The following TNFRSF21 variants were observed in gnomAD, a reference collection of about 807,000 sequenced individuals.
TNFRSF21 encodes the protein TNF receptor superfamily member 21.
Under a neutral mutation model 45.6 loss-of-function variants are expected in TNFRSF21, and 19 were observed. That is an observed-to-expected ratio of 0.42 (90% CI 0.29 to 0.61). TNFRSF21 has a LOEUF of 0.61. TNFRSF21 is among the 20% of genes least tolerant of loss of function. The pLI is 0.23. For missense variants in TNFRSF21, 737 were observed against 851.5 expected (o/e 0.87, Z 1.67); for synonymous variants, 314 against 335.5 (o/e 0.94, Z 0.70).
chr6:47,238,506 A>G (rs775464909), intron 4 of TNFRSF21, among the ~76,000 whole-genome samples: 1 of 152,250 alleles, frequency 6.6e-6, no homozygotes, highest in Non-Finnish European at 1.5e-5. Flanking sequence ...AGCAGCCCAA[A>G]AGAGAACAAT....
chr6:47,287,326 A>AAAAGAAAAG (rs1561950377), intron 1 of TNFRSF21, among the ~76,000 whole-genome samples: 4 of 149,958 alleles, frequency 2.7e-5, no homozygotes, highest in African/African-American at 9.8e-5. Context: ...AAAAAAAAAA[A>AAAAGAAAAG]AAAAAAAAGA....
intron 3 of TNFRSF21, among the ~76,000 whole-genome samples, chr6:47,278,400 C>A (rs1385623923): frequency 6.6e-6 from 1 of 152,214 alleles, no homozygotes; most frequent in African/African-American, 2.4e-5. Flanking sequence ...TGTCCTTTAT[C>A]TGTCCTATCC....
At chr6:47,255,478 T>C (rs1764972611) in intron 3 of TNFRSF21, among the ~76,000 whole-genome samples, 1 of 152,084 alleles carries the variant, frequency 6.6e-6, no homozygotes, top group Non-Finnish European at 1.5e-5. Context: ...TTTGTTTTTT[T>C]GAGATGAAGT....
intron 4 of TNFRSF21, among the ~76,000 whole-genome samples, chr6:47,236,140 T>A (rs1301645456): frequency 6.6e-6 from 1 of 152,228 alleles, no homozygotes; most frequent in Non-Finnish European, 1.5e-5. Flanking sequence ...AGAAAGCCAG[T>A]GCTCAACTCA....
In TNFRSF21 at chr6:47,284,257, G is replaced by A. The variant is rs1762615302; in HGVS notation, c.924C>T (p.His308=). The A allele has an allele frequency of 1.2e-6, 2 of 1,613,340 alleles. No homozygotes were observed. Among genetic ancestry groups the A allele is most frequent in the East Asian group, 2.2e-5 (1 of 44,890 alleles). ...CCATGGACGGCAGCAGCTTCAGGAT[G>A]TGTCTGTGGTGGGGGCCTTGCTGGT... ...VNHQQGPHHR[H]ILKLLPSMEA... is the part of the protein sequence containing the mutation. Residue 308 remains histidine (H), a synonymous_variant, in exon 3 of 6, where the codon CAC becomes CAT. Transcript: ENST00000296861.
intron 3 of TNFRSF21, among the ~76,000 whole-genome samples, chr6:47,273,453 A>T (rs1192902213): frequency 6.6e-6 from 1 of 152,212 alleles, no homozygotes; most frequent in Non-Finnish European, 1.5e-5. Context: ...CTTCGACAAA[A>T]TTCAACAGCG....
intron 1 of TNFRSF21, among the ~76,000 whole-genome samples, chr6:47,300,719 C>T (rs1293396262): frequency 6.6e-6 from 1 of 152,156 alleles, no homozygotes; most frequent in Non-Finnish European, 1.5e-5. Flanking sequence ...TCTGGGCCAT[C>T]CCACATACTG....
At chr6:47,257,658 G>C (rs1765007606) in intron 3 of TNFRSF21, among the ~76,000 whole-genome samples, 1 of 152,166 alleles carries the variant, frequency 6.6e-6, no homozygotes, top group Non-Finnish European at 1.5e-5. Context: ...AGCACAGAAG[G>C]GATTTCAAAG....
chr6:47,308,869 T>C (rs1391221466), intron 1 of TNFRSF21, among the ~76,000 whole-genome samples: 1 of 152,234 alleles, frequency 6.6e-6, no homozygotes, highest in Non-Finnish European at 1.5e-5. Context: ...GCTTGCGCCC[T>C]GCTCGGGAAT....
At chr6:47,277,284 G>A (rs553943108) in intron 3 of TNFRSF21, among the ~76,000 whole-genome samples, 12 of 152,314 alleles carry the variant, frequency 7.9e-5, no homozygotes, top group South Asian at 2.1e-4. Flanking sequence ...GAGCCACTGC[G>A]CCCAACCCCT....
intron 3 of TNFRSF21, among the ~76,000 whole-genome samples, chr6:47,254,619 C>T (rs1162415369): frequency 6.6e-6 from 1 of 152,250 alleles, no homozygotes; most frequent in Non-Finnish European, 1.5e-5. Context: ...GGAATGGTGT[C>T]CTTTATATCA....
chr6:47,300,075 G>A (rs1561953459), intron 1 of TNFRSF21, among the ~76,000 whole-genome samples: 1 of 152,200 alleles, frequency 6.6e-6, no homozygotes, highest in Non-Finnish European at 1.5e-5. Flanking sequence ...AGCAAGCCAA[G>A]CATCCAACAA....
chr6:47,270,337 T>C (rs554725434), intron 3 of TNFRSF21, among the ~76,000 whole-genome samples: 27 of 152,308 alleles, frequency 1.8e-4, no homozygotes, highest in African/African-American at 6.3e-4. Context: ...TATTTGCCGT[T>C]CTGCAACATC....
intron 4 of TNFRSF21, among the ~76,000 whole-genome samples, chr6:47,250,771 T>C (rs1356753267): frequency 6.6e-6 from 1 of 152,216 alleles, no homozygotes; most frequent in Non-Finnish European, 1.5e-5. Flanking sequence ...ACTTGTTAGA[T>C]GGGACAAATT....
intron 4 of TNFRSF21, among the ~76,000 whole-genome samples, chr6:47,246,123 G>T (rs4482973): frequency 0.13 from 20,348 of 152,190 alleles, 1,853 homozygotes; most frequent in African/African-American, 0.26. Context: ...CTATCTTAAT[G>T]AGAATATACC....
chr6:47,299,787 T>C (rs745489324), intron 1 of TNFRSF21, among the ~76,000 whole-genome samples: 2 of 152,154 alleles, frequency 1.3e-5, no homozygotes, highest in African/African-American at 2.4e-5. Context: ...AACTCCAATA[T>C]TGGCAGGCTT....
At chr6:47,289,524 C>A (rs1762692406) in intron 1 of TNFRSF21, among the ~76,000 whole-genome samples, 1 of 152,100 alleles carries the variant, frequency 6.6e-6, no homozygotes, top group South Asian at 2.1e-4. Flanking sequence ...CATCTTAGAA[C>A]CTGGAAAAAA....
rs150803938 is a variant in TNFRSF21 at position 47,286,354 on chromosome 6, C to T, written c.338G>A (p.Cys113Tyr). 2 of 1,614,222 alleles carry T rather than the reference C, an allele frequency of 1.2e-6. No individual in the cohort carries two copies. Among genetic ancestry groups the T allele is most frequent in the African/African-American group, 1.3e-5 (1 of 75,064 alleles). Residue 113 changes from cysteine to tyrosine, a missense_variant, in exon 2 of 6, where the codon TGC becomes TAC. Transcript: ENST00000296861. ...IEKCHDCSQP[C>Y]PWPMIEKLPC... ...TAATTTCTCAATCATTGGCCATGGG[C>T]ATGGCTGACTACAGTCATGGCATTT...
intron 3 of TNFRSF21, among the ~76,000 whole-genome samples, chr6:47,273,074 C>G (rs866093904): frequency 6.6e-6 from 1 of 152,278 alleles, no homozygotes; most frequent in Middle Eastern, 3.4e-3. Context: ...CAGCCAAATT[C>G]TACCAGAAGT....
Sources: allele counts gnomAD v4.1 joint callset (sites outside exome capture counted in the v4.1 genomes callset), GRCh38; gene constraint gnomAD v4.1.1; transcripts MANE v1.5; gene names NCBI Gene and HGNC (gene_info 2026-07-23, HGNC 2026-07-21).